MAML2: variants seen among roughly 807,000 people sequenced by gnomAD.
MAML2 encodes the protein mastermind-like protein 2.
Under a neutral mutation model 96.1 loss-of-function variants are expected in MAML2, and 22 were observed. The observed-to-expected ratio is 0.23, with a 90% CI of 0.16 to 0.33. The LOEUF (loss-of-function observed/expected upper bound fraction) is 0.33, where lower values mean the gene tolerates loss of function less well. Ranked by LOEUF, MAML2 falls within the 10% of genes least tolerant of loss-of-function variation. MAML2 has a pLI of 1.00. For missense variants in MAML2, 1,367 were observed against 1,392.4 expected (o/e 0.98, Z 0.29); for synonymous variants, 561 against 521.3 (o/e 1.08, Z -1.04).
intron 1 of MAML2, among the ~76,000 whole-genome samples, chr11:96,186,019 C>A (rs1861570565): frequency 6.6e-6 from 1 of 152,126 alleles, no homozygotes; most frequent in Admixed American, 6.6e-5. Flanking sequence ...TTTAACGAGA[C>A]CTAGGATTTA....
At chr11:96,219,667 G>A (rs1395144955) in intron 1 of MAML2, among the ~76,000 whole-genome samples, 1 of 152,022 alleles carries the variant, frequency 6.6e-6, no homozygotes, top group Non-Finnish European at 1.5e-5. Context: ...ACTCTGTCAT[G>A]TAGGCTGGAG....
At chr11:96,281,521 T>A (rs1395019472) in intron 1 of MAML2, among the ~76,000 whole-genome samples, 2 of 152,092 alleles carry the variant, frequency 1.3e-5, no homozygotes, top group African/African-American at 4.8e-5. Flanking sequence ...AGGCACTGGT[T>A]GAGGGAAAAG....
At chr11:96,158,958 A>G (rs1046154278) in intron 1 of MAML2, among the ~76,000 whole-genome samples, 6 of 152,192 alleles carry the variant, frequency 3.9e-5, no homozygotes, top group African/African-American at 1.4e-4. Flanking sequence ...ACCGGAGTAG[A>G]GCCTTCTGTT....
intron 1 of MAML2, among the ~76,000 whole-genome samples, chr11:96,244,200 C>A (rs1173371178): frequency 6.6e-6 from 1 of 152,190 alleles, no homozygotes; most frequent in Admixed American, 6.5e-5. Flanking sequence ...TCAGTGTCTC[C>A]CTGGAGGGTA....
At chr11:96,000,184 G>T (rs1470435348) in intron 2 of MAML2, among the ~76,000 whole-genome samples, 1 of 152,132 alleles carries the variant, frequency 6.6e-6, no homozygotes, top group African/African-American at 2.4e-5. Flanking sequence ...CAAAACAATT[G>T]TCAGGAAATC....
At position 96,265,508 on chromosome 11, in the gene MAML2, C is replaced by A. The variant is rs577827400; in HGVS notation, c.513+75875G>T. ...GTGCTGGGTAGAGGAAGGCATGGTC[C>A]CAGGTTAGGACTCCACCCCCACGGA... On this transcript the variant is annotated intron_variant, in intron 1 of 4. Transcript: ENST00000524717. 5.9e-5 allele frequency among the ~76,000 whole-genome samples: 9 copies of A among 152,178 alleles called. No homozygotes were observed. In the South Asian group the frequency reaches 1.9e-3, roughly 32 times the overall value.
Position 96,138,719 on chromosome 11 carries a change from G to A in MAML2, c.514-45202C>T, listed in dbSNP as rs147871417. Among the ~76,000 whole-genome samples the A allele has an allele frequency of 9.5e-3, 1,445 of 152,108 alleles. 16 individuals carry two copies. Among genetic ancestry groups the A allele is most frequent in the Admixed American group, 0.022 (329 of 15,280 alleles). On this transcript the variant is annotated intron_variant, in intron 1 of 4. Coordinates refer to ENST00000524717, the MANE Select transcript of MAML2 (RefSeq NM_032427.4). ...AAATGCCTGAGCAGGAAGCACCTCC[G>A]AGACATAGTCCAGGAAGGCCCCAAA...
rs1206650720 is a variant in MAML2 at position 96,188,759 on chromosome 11, A to C, written c.514-95242T>G. On this transcript the variant is annotated intron_variant, in intron 1 of 4. Coordinates refer to ENST00000524717, the MANE Select transcript of MAML2 (RefSeq NM_032427.4). ...GTGTGTGGGAGGGGACTGACAATGG[A>C]AAGTTGGTGGTGAACACAGAGTGTG... 2.0e-5 allele frequency among the ~76,000 whole-genome samples: 3 copies of C among 151,998 alleles called. No homozygotes were observed. In the East Asian group the frequency reaches 5.8e-4, roughly 29 times the overall value.
chr11:96,112,014 T>C (rs1054716336), intron 1 of MAML2, among the ~76,000 whole-genome samples: 30 of 152,018 alleles, frequency 2.0e-4, no homozygotes, highest in African/African-American at 6.8e-4. Flanking sequence ...CTTGAGTACT[T>C]ACAAATGCTG....
chr11:96,290,472 T>G (rs1157914814), intron 1 of MAML2, among the ~76,000 whole-genome samples: 2 of 152,214 alleles, frequency 1.3e-5, no homozygotes, highest in African/African-American at 2.4e-5. Context: ...GGAAGGTCAA[T>G]TGACAGGCTA....
At chr11:96,105,107 A>G (rs1161128809) in intron 1 of MAML2, among the ~76,000 whole-genome samples, 1 of 151,952 alleles carries the variant, frequency 6.6e-6, no homozygotes, top group African/African-American at 2.4e-5. Context: ...TTCTTGATTA[A>G]TTAAAGTTGA....
At chr11:96,312,044 A>T (rs1565280744) in intron 1 of MAML2, among the ~76,000 whole-genome samples, 1 of 151,846 alleles carries the variant, frequency 6.6e-6, no homozygotes, top group African/African-American at 2.4e-5. Context: ...ACATGGTGAA[A>T]CCCTGTCTCT....
chr11:96,155,553 A>ATATATATATATATAT (rs1708969001), intron 1 of MAML2, among the ~76,000 whole-genome samples: 1 of 45,382 alleles, frequency 2.2e-5, no homozygotes, highest in Non-Finnish European at 4.8e-5. Context: ...TATATATATG[A>ATATATATATATATAT]GGAAAGTCTC....
At chr11:95,995,825 C>A (rs1222267940) in intron 2 of MAML2, among the ~76,000 whole-genome samples, 1 of 152,150 alleles carries the variant, frequency 6.6e-6, no homozygotes, top group Non-Finnish European at 1.5e-5. Context: ...TCCATGTAGG[C>A]CATCTGAGTT....
chr11:96,341,756 C>G lies in MAML2; in HGVS notation c.140G>C (p.Cys47Ser). The G allele has an allele frequency of 6.2e-7, 1 of 1,612,882 alleles. No individual in the cohort carries two copies. The change falls in exon 1 of 5, where the codon TGC becomes TCC. Residue 47 changes from cysteine to serine, a missense_variant. By Grantham distance (112) the Cys-to-Ser change is moderately radical. Transcript: ENST00000524717. ...VERLRARIAV[C>S]RQHHLSCEGR... ...TTCACAGCTCAGGTGGTGTTGGCGG[C>G]AGACAGCGATCCGAGCCCGGAGGCG...
intron 2 of MAML2, among the ~76,000 whole-genome samples, chr11:96,040,445 C>CA (rs1298987496): frequency 6.6e-6 from 1 of 152,008 alleles, no homozygotes; most frequent in Non-Finnish European, 1.5e-5. Flanking sequence ...GCTTGGAGAA[C>CA]AAAAAACAAA....
intron 2 of MAML2, among the ~76,000 whole-genome samples, chr11:96,053,052 A>T (rs1366287914): frequency 1.3e-5 from 2 of 152,260 alleles, no homozygotes; most frequent in Non-Finnish European, 2.9e-5. Flanking sequence ...TCTGGCAAAC[A>T]TTATGAAGCA....
intron 1 of MAML2, among the ~76,000 whole-genome samples, chr11:96,300,528 G>A (rs1433423617): frequency 6.6e-6 from 1 of 152,290 alleles, no homozygotes; most frequent in East Asian, 1.9e-4. Flanking sequence ...CCTGACAGGA[G>A]TAAAAGGAGA....
intron 1 of MAML2, among the ~76,000 whole-genome samples, chr11:96,225,906 G>A (rs1258981220): frequency 6.6e-6 from 1 of 152,134 alleles, no homozygotes; most frequent in African/African-American, 2.4e-5. Context: ...GTTATTCATA[G>A]TTTTAAATCT....
Sources: gnomAD v4.1 joint callset for allele counts (sites outside exome capture counted in the v4.1 genomes callset) on GRCh38, gnomAD v4.1.1 for gene constraint, MANE v1.5 for transcripts, NCBI Gene and HGNC (gene_info 2026-07-23, HGNC 2026-07-21) for gene names.